KIRREL1: variants seen among roughly 807,000 people sequenced by gnomAD.
The protein encoded by KIRREL1 is kin of IRRE-like protein 1.
Under a neutral mutation model 83.3 loss-of-function variants are expected in KIRREL1, and 25 were observed. That is an observed-to-expected ratio of 0.30 (90% confidence interval 0.22 to 0.42). KIRREL1 has a LOEUF of 0.42. Ranked by LOEUF, KIRREL1 falls within the 10% of genes least tolerant of loss-of-function variation. KIRREL1 has a pLI of 1.00. For synonymous variants in KIRREL1, 388 were observed against 410.4 expected (o/e 0.95, Z 0.66); for missense variants, 812 against 1,032.3 (o/e 0.79, Z 2.92).
intron 1 of KIRREL1, among the ~76,000 whole-genome samples, chr1:157,997,029 T>A (rs548237940): frequency 6.6e-6 from 1 of 152,362 alleles, no homozygotes; most frequent in South Asian, 2.1e-4. Context: ...CCCTAGGACC[T>A]CTTTACACCC....
intron 1 of KIRREL1, among the ~76,000 whole-genome samples, chr1:158,071,646 C>T (rs1570976983): frequency 6.6e-6 from 1 of 152,248 alleles, no homozygotes; most frequent in Admixed American, 6.5e-5. Flanking sequence ...CCCCGGGAGG[C>T]CACCTTCCCA....
chr1:158,035,484 G>T (rs7548850), intron 1 of KIRREL1, among the ~76,000 whole-genome samples: 21 of 152,106 alleles, frequency 1.4e-4, no homozygotes, highest in South Asian at 6.2e-4. Context: ...GAGAAATCAA[G>T]GGGGAGACAA....
chr1:157,997,399 G>A (rs944146920), intron 1 of KIRREL1, among the ~76,000 whole-genome samples: 1 of 152,152 alleles, frequency 6.6e-6, no homozygotes, highest in Admixed American at 6.6e-5. Context: ...TGGCTTTGAG[G>A]TGAGACATAG....
chr1:158,035,846 G>T (rs1364726956), intron 1 of KIRREL1, among the ~76,000 whole-genome samples: 2 of 152,188 alleles, frequency 1.3e-5, no homozygotes, highest in Non-Finnish European at 2.9e-5. Flanking sequence ...TAGCAGTAGT[G>T]TCAATAATTT....
intron 5 of KIRREL1, 137 bp downstream of exon 5, chr1:158,086,883 T>C (rs1417926832): frequency 1.3e-6 from 1 of 786,780 alleles, no homozygotes; most frequent in Non-Finnish European, 2.0e-6. Context: ...CTTCTTCACA[T>C]CTTTCATTCC....
intron 1 of KIRREL1, among the ~76,000 whole-genome samples, chr1:158,064,365 C>G (rs546856293): frequency 5.3e-5 from 8 of 152,370 alleles, no homozygotes; most frequent in African/African-American, 1.7e-4. Flanking sequence ...CTTCCCCCTT[C>G]AGATGGCCCT....
intron 1 of KIRREL1, among the ~76,000 whole-genome samples, chr1:158,058,193 T>A (rs1661118478): frequency 1.3e-5 from 2 of 152,148 alleles, no homozygotes; most frequent in African/African-American, 4.8e-5. Context: ...TGGCACTTTG[T>A]CCTGCACCAC....
In KIRREL1 at chr1:158,095,301, T is replaced by A. The variant is rs1662328657; in HGVS notation, c.*181T>A. On this transcript the variant is annotated 3_prime_UTR_variant, in exon 15 of 15. Coordinates refer to ENST00000359209, the MANE Select transcript of KIRREL1 (RefSeq NM_018240.7). The stretch of plus-strand genomic sequence containing the variant: ...CGTCCCGAGGATGGTGCTCTGTGCA[T>A]GCCCCAGCCTCCTGGGCCTGCCCTT... 1 of 575,386 alleles carries A rather than the reference T, an allele frequency of 1.7e-6. No individual in the cohort carries two copies. Among genetic ancestry groups the A allele is most frequent in the African/African-American group, 1.9e-5 (1 of 53,588 alleles). 35.6% of individuals were successfully genotyped at this position (575,386 alleles called of 1,614,324 possible). A position where few individuals can be genotyped will look rare whatever the true frequency, so the allele number is the denominator to read the frequency against.
At chr1:158,070,086 C>T (rs1295961623) in intron 1 of KIRREL1, among the ~76,000 whole-genome samples, 2 of 151,856 alleles carry the variant, frequency 1.3e-5, no homozygotes, top group South Asian at 2.1e-4. Flanking sequence ...GCAAGTCCTG[C>T]GTGGCTATAA....
intron 1 of KIRREL1, among the ~76,000 whole-genome samples, chr1:158,027,788 C>T (rs939404644): frequency 6.6e-6 from 1 of 152,156 alleles, no homozygotes; most frequent in African/African-American, 2.4e-5. Context: ...TTTGTGTTGT[C>T]TCAGAGCAAA....
At chr1:158,062,249 C>T (rs371143309) in intron 1 of KIRREL1, among the ~76,000 whole-genome samples, 3 of 152,196 alleles carry the variant, frequency 2.0e-5, no homozygotes, top group Non-Finnish European at 2.9e-5. Flanking sequence ...AGGGCTCCAG[C>T]GTCATCAACC....
chr1:158,013,747 C>G (rs1345180431), intron 1 of KIRREL1, among the ~76,000 whole-genome samples: 1 of 152,194 alleles, frequency 6.6e-6, no homozygotes, highest in Non-Finnish European at 1.5e-5. Flanking sequence ...AGAAAACTGC[C>G]ACTTCATCTA....
intron 1 of KIRREL1, among the ~76,000 whole-genome samples, chr1:158,031,338 C>T (rs1202753686): frequency 3.3e-5 from 5 of 150,354 alleles, no homozygotes; most frequent in South Asian, 4.4e-4. Flanking sequence ...CACACACACG[C>T]GCGTGCACAC....
chr1:157,998,863 C>T (rs1571523206), intron 1 of KIRREL1, among the ~76,000 whole-genome samples: 1 of 152,176 alleles, frequency 6.6e-6, no homozygotes, highest in East Asian at 1.9e-4. Context: ...TCAAAATTAC[C>T]TTTTATTGAA....
intron 8 of KIRREL1, among the ~76,000 whole-genome samples, chr1:158,088,701 G>T (rs1347936718): frequency 2.6e-5 from 4 of 151,532 alleles, no homozygotes; most frequent in Non-Finnish European, 4.4e-5. Flanking sequence ...AGCCAGGATG[G>T]TCTCGATCTC....
At chr1:158,091,629 G>A (rs1662200332) in intron 11 of KIRREL1, 73 bp downstream of exon 11, 5 of 1,399,206 alleles carry the variant, frequency 3.6e-6, no homozygotes, top group Non-Finnish European at 5.0e-6. Flanking sequence ...TTCTCCAGGG[G>A]CAGGGCTCAG....
At chr1:158,055,939 C>T (rs544811398) in intron 1 of KIRREL1, among the ~76,000 whole-genome samples, 11 of 152,204 alleles carry the variant, frequency 7.2e-5, no homozygotes, top group East Asian at 1.9e-4. Context: ...TTACCTCTTC[C>T]GCATCTACCA....
At chr1:158,092,823 T>C (rs1322112328) in intron 11 of KIRREL1, among the ~76,000 whole-genome samples, 2 of 152,344 alleles carry the variant, frequency 1.3e-5, no homozygotes, top group Non-Finnish European at 2.9e-5. Context: ...GCAGGATTCC[T>C]GAGCTCTTCC....
At chr1:158,062,780 C>T (rs1332612593) in intron 1 of KIRREL1, among the ~76,000 whole-genome samples, 1 of 152,218 alleles carries the variant, frequency 6.6e-6, no homozygotes, top group Non-Finnish European at 1.5e-5. Flanking sequence ...CAAGCCTGTC[C>T]CCAAACATTA....
Sources: gnomAD v4.1 joint callset for allele counts (sites outside exome capture counted in the v4.1 genomes callset) on GRCh38, gnomAD v4.1.1 for gene constraint, MANE v1.5 for transcripts, NCBI Gene and HGNC (gene_info 2026-07-23, HGNC 2026-07-21) for gene names.